The following ADRA1B variants were observed in gnomAD, a reference collection of about 807,000 sequenced individuals.
ADRA1B encodes alpha-1B adrenergic receptor.
Under a neutral mutation model 17.9 loss-of-function variants are expected in ADRA1B, and 17 were observed. That is an observed-to-expected ratio of 0.95 (90% confidence interval 0.65 to 1.42). The LOEUF (loss-of-function observed/expected upper bound fraction) is 1.42. Ranked by LOEUF, ADRA1B falls within the 40% of genes most tolerant of loss-of-function variation. The pLI, the probability that ADRA1B is intolerant of heterozygous loss-of-function variation, is 0.00. For missense variants in ADRA1B, 681 were observed against 722.1 expected (o/e 0.94, Z 0.65); for synonymous variants, 366 against 327.6 (o/e 1.12, Z -1.27).
At chr5:159,918,905 A>G (rs1028615937) in intron 1 of ADRA1B, among the ~76,000 whole-genome samples, 1 of 152,146 alleles carries the variant, frequency 6.6e-6, no homozygotes, top group Non-Finnish European at 1.5e-5. Flanking sequence ...GGAGTTTATC[A>G]TGACACAGTC....
At chr5:159,911,269 C>T (rs933264494) in intron 1 of ADRA1B, among the ~76,000 whole-genome samples, 3 of 152,210 alleles carry the variant, frequency 2.0e-5, no homozygotes, top group Non-Finnish European at 2.9e-5. Flanking sequence ...CCTTCACCCT[C>T]GATTCTGTAG....
At chr5:159,892,704 T>G (rs1753998257) in intron 1 of ADRA1B, among the ~76,000 whole-genome samples, 1 of 152,246 alleles carries the variant, frequency 6.6e-6, no homozygotes, top group African/African-American at 2.4e-5. Context: ...ATGGTGAATA[T>G]GTACCATATT....
intron 1 of ADRA1B, among the ~76,000 whole-genome samples, chr5:159,933,375 AGAT>A (rs1754866750): frequency 6.6e-6 from 1 of 152,234 alleles, no homozygotes; most frequent in Admixed American, 6.5e-5. Context: ...GAAAGGCCTC[AGAT>A]GTATATTGTC....
At chr5:159,910,179 C>T (rs2113133128) in intron 1 of ADRA1B, among the ~76,000 whole-genome samples, 1 of 152,220 alleles carries the variant, frequency 6.6e-6, no homozygotes, top group East Asian at 1.9e-4. Flanking sequence ...CAGCTCCCAG[C>T]CTGAGCAACA....
chr5:159,871,723 A>G (rs1266917305), intron 1 of ADRA1B, among the ~76,000 whole-genome samples: 2 of 152,140 alleles, frequency 1.3e-5, no homozygotes, highest in Non-Finnish European at 2.9e-5. Context: ...TAGGACTTAG[A>G]CGTATCTTTT....
chr5:159,895,967 A>G (rs796918070), intron 1 of ADRA1B, among the ~76,000 whole-genome samples: 1 of 152,194 alleles, frequency 6.6e-6, no homozygotes, highest in South Asian at 2.1e-4. Context: ...CTTCTGTCTC[A>G]TTCACCTGTG....
At chr5:159,889,254 C>T (rs1753957682) in intron 1 of ADRA1B, among the ~76,000 whole-genome samples, 1 of 152,146 alleles carries the variant, frequency 6.6e-6, no homozygotes, top group Non-Finnish European at 1.5e-5. Flanking sequence ...AGCCGCCACA[C>T]TGTATTTTCT....
chr5:159,882,476 T>A (rs1295536001), intron 1 of ADRA1B, among the ~76,000 whole-genome samples: 1 of 152,180 alleles, frequency 6.6e-6, no homozygotes, highest in Non-Finnish European at 1.5e-5. Flanking sequence ...TTGCCCACGA[T>A]CAGATAGTAC....
intron 1 of ADRA1B, among the ~76,000 whole-genome samples, chr5:159,922,162 T>C (rs1754502609): frequency 6.6e-6 from 1 of 152,130 alleles, no homozygotes; most frequent in African/African-American, 2.4e-5. Context: ...TACAGCCTGG[T>C]GAGATTGTAT....
intron 1 of ADRA1B, among the ~76,000 whole-genome samples, chr5:159,904,247 T>C (rs1302815004): frequency 2.0e-5 from 3 of 152,224 alleles, no homozygotes; most frequent in Non-Finnish European, 4.4e-5. Flanking sequence ...TGAGTGACCA[T>C]GGTCAAGTAA....
intron 1 of ADRA1B, among the ~76,000 whole-genome samples, chr5:159,928,750 G>A (rs1432417533): frequency 2.0e-5 from 3 of 152,170 alleles, no homozygotes; most frequent in African/African-American, 4.8e-5. Context: ...AGGTTAAAAT[G>A]GGACCAAGGG....
chr5:159,905,759 G>C (rs1287516638), intron 1 of ADRA1B, among the ~76,000 whole-genome samples: 1 of 152,242 alleles, frequency 6.6e-6, no homozygotes, highest in African/African-American at 2.4e-5. Context: ...GACTGAGTGG[G>C]GAGGGGCAGG....
Position 159,966,562 on chromosome 5 carries a change from A to C in ADRA1B, c.950-5317A>C, listed in dbSNP as rs78518162. On this transcript the variant is annotated intron_variant, in intron 1 of 1. Coordinates refer to ENST00000306675, the MANE Select transcript of ADRA1B (RefSeq NM_000679.4). Reference sequence around the variant, plus strand: ...TGCAAAGGAGGACAAAATAAAATGAAATGCAAATGGAACAAGAGGGCAAGA... The same window carrying C: ...TGCAAAGGAGGACAAAATAAAATGACATGCAAATGGAACAAGAGGGCAAGA... Among the ~76,000 whole-genome samples the C allele has an allele frequency of 6.9e-3, 1,056 of 152,312 alleles. 13 individuals are homozygous for C. Among genetic ancestry groups the C allele is most frequent in the African/African-American group, 0.023 (974 of 41,562 alleles).
intron 1 of ADRA1B, among the ~76,000 whole-genome samples, chr5:159,878,239 C>G (rs1363332867): frequency 6.6e-6 from 1 of 152,156 alleles, no homozygotes; most frequent in Non-Finnish European, 1.5e-5. Context: ...GGCCAGGAGC[C>G]AAGGTAAGGG....
In ADRA1B at chr5:159,953,712, G is replaced by A. The variant is rs572923366; in HGVS notation, c.950-18167G>A. 8.0e-4 allele frequency among the ~76,000 whole-genome samples: 122 copies of A among 152,302 alleles called. 1 individual carries two copies. Among genetic ancestry groups the A allele is most frequent in the African/African-American group, 2.8e-3 (117 of 41,564 alleles). ...GGCTTGTGAGGACTGAATAATTAGT[G>A]AAATCTCCTTGCTTCCTGAATCAGT... is the stretch of plus-strand genomic sequence containing the variant. On this transcript the variant is annotated intron_variant, in intron 1 of 1. Coordinates refer to ENST00000306675, the MANE Select transcript of ADRA1B (RefSeq NM_000679.4).
At chr5:159,985,481 G>A in the ADRA1B span, among the ~76,000 whole-genome samples, 1 of 152,160 alleles carries the variant, frequency 6.6e-6, no homozygotes, top group African/African-American at 2.4e-5. Flanking sequence ...TCTGGTCTCT[G>A]GCCAGGCCCC....
intron 1 of ADRA1B, among the ~76,000 whole-genome samples, chr5:159,940,301 C>T (rs981324844): frequency 5.9e-5 from 9 of 152,142 alleles, no homozygotes; most frequent in Admixed American, 2.0e-4. Context: ...CCACCCACAT[C>T]GATATCTAAT....
chr5:159,870,091 G>A (rs909347311), intron 1 of ADRA1B: 2 of 152,172 alleles, frequency 1.3e-5, no homozygotes, highest in African/African-American at 2.4e-5. Context: ...GTTTCAAAAT[G>A]TGACAATGCT....
chr5:159,955,962 G>A (rs1755543514), intron 1 of ADRA1B, among the ~76,000 whole-genome samples: 1 of 152,058 alleles, frequency 6.6e-6, no homozygotes, highest in Non-Finnish European at 1.5e-5. Flanking sequence ...AATATTTGAG[G>A]CCAGGCATAA....
Sources: gnomAD v4.1 joint callset for allele counts (sites outside exome capture counted in the v4.1 genomes callset) on GRCh38, gnomAD v4.1.1 for gene constraint, MANE v1.5 for transcripts, NCBI Gene and HGNC (gene_info 2026-07-23, HGNC 2026-07-21) for gene names.